TULP4: variants seen among roughly 807,000 people sequenced by gnomAD.
TULP4 encodes TUB like protein 4.
Under a neutral mutation model 129.0 loss-of-function variants are expected in TULP4, and 16 were observed. The ratio of observed to expected loss-of-function variants is 0.12; its 90% CI spans 0.08 to 0.19. The LOEUF is 0.19. TULP4 is among the 10% of genes least tolerant of loss of function. The pLI is 1.00. For missense variants in TULP4, 1,842 were observed against 2,059.1 expected (o/e 0.89, Z 2.04); for synonymous variants, 998 against 854.0 (o/e 1.17, Z -2.94).
At chr6:158,321,295 C>T (rs914770653) in intron 1 of TULP4, among the ~76,000 whole-genome samples, 5 of 152,154 alleles carry the variant, frequency 3.3e-5, no homozygotes, top group Non-Finnish European at 7.3e-5. Flanking sequence ...TCTTTGCTGG[C>T]TCTGCCTTTT....
At chr6:158,292,699 CTGAT>C (rs1291668111) in intron 1 of TULP4, among the ~76,000 whole-genome samples, 1 of 152,166 alleles carries the variant, frequency 6.6e-6, no homozygotes, top group Non-Finnish European at 1.5e-5. Context: ...TTTGGACATA[CTGAT>C]TATCTCATAT....
intron 1 of TULP4, among the ~76,000 whole-genome samples, chr6:158,412,208 C>G (rs1778113346): frequency 6.6e-6 from 1 of 152,200 alleles, no homozygotes; most frequent in Non-Finnish European, 1.5e-5. Flanking sequence ...ATGTGTCAGA[C>G]TGAATTAATT....
intron 3 of TULP4, among the ~76,000 whole-genome samples, chr6:158,433,414 C>A (rs1778675580): frequency 6.6e-6 from 1 of 152,172 alleles, no homozygotes; most frequent in South Asian, 2.1e-4. Context: ...TTTAATGGAA[C>A]CTTTGTAAAA....
chr6:158,491,445 T>TTTC (rs1562589189), intron 9 of TULP4, among the ~76,000 whole-genome samples: 2 of 58,366 alleles, frequency 3.4e-5, no homozygotes, highest in Admixed American at 2.5e-4. Flanking sequence ...TTCTTTCTTT[T>TTTC]CTTTCTTTCT....
At chr6:158,348,586 A>G (rs1021915811) in intron 1 of TULP4, among the ~76,000 whole-genome samples, 3 of 152,074 alleles carry the variant, frequency 2.0e-5, no homozygotes, top group African/African-American at 7.2e-5. Flanking sequence ...TTCTACACAG[A>G]CACAGTAACA....
chr6:158,416,196 A>C (rs1174235887), intron 2 of TULP4, among the ~76,000 whole-genome samples: 1 of 152,202 alleles, frequency 6.6e-6, no homozygotes, highest in African/African-American at 2.4e-5. Flanking sequence ...GTGCCCACCC[A>C]GATTGAGGGG....
intron 3 of TULP4, among the ~76,000 whole-genome samples, chr6:158,444,060 A>T (rs1388792671): frequency 6.6e-6 from 1 of 151,806 alleles, no homozygotes; most frequent in East Asian, 1.9e-4. Context: ...TCTACTAAAA[A>T]ATACAAAAAA....
In TULP4 at chr6:158,506,871, G is replaced by A; in HGVS notation, c.*177G>A. The A allele has an allele frequency of 1.7e-6, 1 of 587,890 alleles. No homozygotes were observed. Among genetic ancestry groups the A allele is most frequent in the Non-Finnish European group, 3.0e-6 (1 of 329,910 alleles). The allele number at this position is 587,890 out of a possible 1,614,324, so 36.4% of individuals were successfully genotyped here. A position where few individuals can be genotyped will look rare whatever the true frequency, so the allele number is the denominator to read the frequency against. On this transcript the variant is annotated 3_prime_UTR_variant, in exon 14 of 14. Transcript: ENST00000367097. ...ACCTGTGGTCGTCATTTATTTGGTT[G>A]GGTTTTATTACCTTTTATTGTCTGT...
rs192370025 is a variant in TULP4, at chr6:158,288,145, A to G, written n.116+5767A>G. 7.2e-5 allele frequency among the ~76,000 whole-genome samples: 11 copies of G among 152,350 alleles called. 1 individual carries two copies. The highest frequency in any genetic ancestry group is 1.3e-4 in the Admixed American group (2 of 15,312). On this transcript the variant is annotated intron_variant and non_coding_transcript_variant, in intron 1 of 1. Coordinates refer to the TULP4 transcript ENST00000432358. ...CTATTTCCTCATAGAGAAAATGGGAATAATGATTCCTTTTATATGGCTGTC... is the reference window on the plus strand; with the variant it reads ...CTATTTCCTCATAGAGAAAATGGGAGTAATGATTCCTTTTATATGGCTGTC...
intron 3 of TULP4, among the ~76,000 whole-genome samples, chr6:158,447,586 C>T (rs341134): frequency 0.42 from 63,386 of 152,064 alleles, 14,507 homozygotes; most frequent in African/African-American, 0.62. Context: ...TTAGTGCATT[C>T]GTTTAGCAAT....
At chr6:158,393,380 A>T (rs1328868044) in intron 1 of TULP4, among the ~76,000 whole-genome samples, 1 of 152,134 alleles carries the variant, frequency 6.6e-6, no homozygotes, top group East Asian at 1.9e-4. Context: ...CCCTCTTCTC[A>T]CAGCTTCACC....
At chr6:158,234,860 T>C (rs1358108536) in intron 1 of TULP4, among the ~76,000 whole-genome samples, 1 of 152,208 alleles carries the variant, frequency 6.6e-6, no homozygotes, top group Non-Finnish European at 1.5e-5. Context: ...TGGTAAAATG[T>C]ACATACCATA....
chr6:158,242,695 C>T (rs909689662), intron 1 of TULP4: 25 of 587,190 alleles, frequency 4.3e-5, no homozygotes, highest in Non-Finnish European at 7.3e-5. Context: ...CCAGTTACAT[C>T]ATCTTTGTGG....
intron 13 of TULP4, among the ~76,000 whole-genome samples, chr6:158,506,033 A>T (rs577853694): frequency 6.6e-6 from 1 of 151,832 alleles, no homozygotes; most frequent in African/African-American, 2.4e-5. Context: ...CCCACATTCC[A>T]AACCTTGCTC....
chr6:158,381,272 G>A (rs572796475), intron 1 of TULP4, among the ~76,000 whole-genome samples: 19 of 151,786 alleles, frequency 1.3e-4, no homozygotes, highest in African/African-American at 3.9e-4. Context: ...TCATCTGAGC[G>A]TCTGTTCTTG....
At chr6:158,296,156 C>T (rs982597606) in intron 1 of TULP4, among the ~76,000 whole-genome samples, 2 of 151,326 alleles carry the variant, frequency 1.3e-5, no homozygotes, top group African/African-American at 4.9e-5. Context: ...TTTTCCTTTC[C>T]TTTTCTTATT....
Position 158,413,580 on chromosome 6 carries a change from T to G in TULP4, c.381+387T>G, listed in dbSNP as rs920399367. ...CATCTCAGCGGTCTCATGGAGAGCT[T>G]CACGTGACTTCTCACAACCTGCTCA... On this transcript the variant is annotated intron_variant, in intron 2 of 13. Transcript: ENST00000367097. The surrounding 1 kb of genome is among the most constrained non-coding windows in gnomAD (Gnocchi z 4.9). Among the ~76,000 whole-genome samples, 46 of 152,346 alleles carry G rather than the reference T, an allele frequency of 3.0e-4. No individual in the cohort carries two copies. The highest frequency in any genetic ancestry group is 3.4e-3 in the Middle Eastern group (1 of 294).
intron 1 of TULP4, among the ~76,000 whole-genome samples, chr6:158,257,025 T>C (rs1160109141): frequency 2.6e-5 from 4 of 152,196 alleles, no homozygotes; most frequent in African/African-American, 9.7e-5. Flanking sequence ...AGTGAGGAAC[T>C]GTTCCATTTA....
chr6:158,289,645 A>G (rs561752509), intron 1 of TULP4, among the ~76,000 whole-genome samples: 51 of 152,192 alleles, frequency 3.4e-4, no homozygotes, highest in African/African-American at 1.2e-3. Context: ...CGGTGGTGCA[A>G]TCATGGCTTA....
Sources: allele counts gnomAD v4.1 joint callset (sites outside exome capture counted in the v4.1 genomes callset), GRCh38; gene constraint gnomAD v4.1.1; non-coding constraint Gnocchi (gnomAD v3.1); transcripts MANE v1.5; gene names NCBI Gene and HGNC (gene_info 2026-07-23, HGNC 2026-07-21).